KLHL2: variants seen among roughly 807,000 people sequenced by gnomAD.
KLHL2 encodes kelch like family member 2, also known as kelch-like protein 2.
Under a neutral mutation model 75.8 loss-of-function variants are expected in KLHL2, and 15 were observed. The ratio of observed to expected loss-of-function variants is 0.20; its 90% CI spans 0.13 to 0.30. The LOEUF (loss-of-function observed/expected upper bound fraction) is 0.30. Ranked by LOEUF, KLHL2 falls within the 10% of genes least tolerant of loss-of-function variation. The pLI, the probability that KLHL2 is intolerant of heterozygous loss-of-function variation, is 1.00. For synonymous variants in KLHL2, 214 were observed against 251.9 expected (o/e 0.85, Z 1.42); for missense variants, 381 against 741.0 (o/e 0.51, Z 5.64).
chr4:165,238,558 G>A (rs1314456649), intron 3 of KLHL2, among the ~76,000 whole-genome samples: 1 of 152,222 alleles, frequency 6.6e-6, no homozygotes, highest in Non-Finnish European at 1.5e-5. Context: ...GTTGTGATAT[G>A]ATTTTCAGGT....
rs547543351 is a variant in KLHL2, at chr4:165,214,076, G to A, written c.27-5858G>A. ...ATCCAGGGTCTCTTGGTTAGTATTTGGCATAGACAGAACTACAATTTTGGG... is the reference window on the plus strand; with the variant it reads ...ATCCAGGGTCTCTTGGTTAGTATTTAGCATAGACAGAACTACAATTTTGGG... On this transcript the variant is annotated intron_variant, in intron 1 of 14. Transcript: ENST00000226725. Among the ~76,000 whole-genome samples the A allele has an allele frequency of 3.3e-5, 5 of 152,176 alleles. No individual in the cohort carries two copies. The East Asian group carries it at 9.7e-4, about 29-fold the overall frequency.
chr4:165,229,626 T>A lies in KLHL2; in HGVS notation c.259+713T>A, dbSNP rs187214540. On this transcript the variant is annotated intron_variant, in intron 3 of 14. Transcript: ENST00000226725. The stretch of plus-strand genomic sequence containing the variant: ...TATTAAGTATTTCTGGTGCTACTGT[T>A]TTACTAGATACTTCAAGGCATACAA... Among the ~76,000 whole-genome samples, 7 of 152,334 alleles carry A rather than the reference T, an allele frequency of 4.6e-5. 1 individual carries two copies. Among genetic ancestry groups the A allele is most frequent in the African/African-American group, 1.4e-4 (6 of 41,580 alleles).
intron 4 of KLHL2, among the ~76,000 whole-genome samples, chr4:165,254,467 C>T (rs1430790739): frequency 1.3e-5 from 2 of 152,072 alleles, no homozygotes; most frequent in Admixed American, 1.3e-4. Context: ...GGTAGATTTT[C>T]AGAAACATAA....
Position 165,207,854 on chromosome 4 carries a change from T to C in KLHL2, c.-23T>C. 6.9e-7 allele frequency: 1 copy of C among 1,450,632 alleles called. No individual in the cohort carries two copies. Among genetic ancestry groups the C allele is most frequent in the Non-Finnish European group, 9.1e-7 (1 of 1,095,194 alleles). 89.9% of individuals were successfully genotyped at this position (1,450,632 alleles called of 1,614,324 possible). On this transcript the variant is annotated 5_prime_UTR_variant, in exon 1 of 15. Transcript: ENST00000226725. This position sits in a 1 kb window ranked among gnomAD's most constrained non-coding sequence, Gnocchi z 4.2. The stretch of plus-strand genomic sequence containing the variant: ...TGGCTGTGTTGGTCGGTGCCTGCGT[T>C]CTGAAGCCCGAGAGGAGCCACAATG...
chr4:165,210,162 G>C (rs1180718375), intron 1 of KLHL2: 1 of 1,551,704 alleles, frequency 6.4e-7, no homozygotes, highest in East Asian at 2.4e-5. Context: ...TTGGAAGCAC[G>C]GCCCCAGATT....
At position 165,229,705 on chromosome 4, in the gene KLHL2, G is replaced by A. The variant is rs543576867; in HGVS notation, c.259+792G>A. The stretch of plus-strand genomic sequence containing the variant: ...AAGCTTCCTGTGTAGCTAGGCAGAT[G>A]GATGTGCACCCTTTAATAGGTAATA... On this transcript the variant is annotated intron_variant, in intron 3 of 14. Coordinates refer to ENST00000226725, the MANE Select transcript of KLHL2 (RefSeq NM_007246.4). Among the ~76,000 whole-genome samples, 4 of 152,338 alleles carry A rather than the reference G, an allele frequency of 2.6e-5. No homozygotes were observed. In the East Asian group the frequency reaches 7.7e-4, roughly 29 times the overall value.
intron 3 of KLHL2, among the ~76,000 whole-genome samples, chr4:165,234,641 G>C (rs1579007211): frequency 7.4e-6 from 1 of 134,546 alleles, no homozygotes; most frequent in Admixed American, 7.6e-5. Context: ...TTTTGAGATG[G>C]AGTCTCGCTC....
At chr4:165,246,058 C>T (rs537297881) in intron 4 of KLHL2, among the ~76,000 whole-genome samples, 92 of 152,068 alleles carry the variant, frequency 6.0e-4, no homozygotes, top group African/African-American at 2.1e-3. Flanking sequence ...AGATAATATA[C>T]CCATAGATAG....
chr4:165,250,123 CAAA>C, intron 4 of KLHL2, among the ~76,000 whole-genome samples: 1 of 134,660 alleles, frequency 7.4e-6, no homozygotes, highest in Admixed American at 7.6e-5. Flanking sequence ...GACTCCGTCT[CAAA>C]AAAAAAAAAA....
intron 1 of KLHL2, chr4:165,209,780 CTATT>C: frequency 5.1e-6 from 1 of 196,216 alleles, no homozygotes; most frequent in Non-Finnish European, 1.0e-5. Flanking sequence ...TTGTTTCTGT[CTATT>C]TAATTATAAA....
chr4:165,257,729 C>T (rs1428953346), intron 4 of KLHL2, among the ~76,000 whole-genome samples: 1 of 152,032 alleles, frequency 6.6e-6, no homozygotes, highest in African/African-American at 2.4e-5. Flanking sequence ...ACATGGGAGT[C>T]ATAAAATTAT....
At chr4:165,235,543 C>T (rs1560993063) in intron 3 of KLHL2, among the ~76,000 whole-genome samples, 1 of 152,218 alleles carries the variant, frequency 6.6e-6, no homozygotes, top group Non-Finnish European at 1.5e-5. Context: ...ACTTTTTATT[C>T]ATCTAGTCAT....
intron 3 of KLHL2, among the ~76,000 whole-genome samples, chr4:165,232,005 C>A (rs1348150201): frequency 6.6e-6 from 1 of 152,100 alleles, no homozygotes; most frequent in East Asian, 1.9e-4. Context: ...TTTCTAATAA[C>A]CAATGATGTC....
intron 5 of KLHL2, among the ~76,000 whole-genome samples, chr4:165,276,336 G>A (rs113105320): frequency 2.6e-5 from 4 of 151,882 alleles, no homozygotes; most frequent in Non-Finnish European, 4.4e-5. Context: ...TTTTATATGC[G>A]CAAGTATTTT....
At chr4:165,211,545 T>C (rs1737204507) in intron 1 of KLHL2, among the ~76,000 whole-genome samples, 2 of 152,220 alleles carry the variant, frequency 1.3e-5, no homozygotes, top group Non-Finnish European at 2.9e-5. Context: ...TTGTCTGTTA[T>C]AGTGCATTGG....
At chr4:165,227,064 T>C (rs1357981858) in intron 2 of KLHL2, among the ~76,000 whole-genome samples, 1 of 152,174 alleles carries the variant, frequency 6.6e-6, no homozygotes, top group East Asian at 1.9e-4. Context: ...ATAGAATTCA[T>C]AGAATTGCAG....
chr4:165,275,879 G>C (rs1374634373), intron 5 of KLHL2, among the ~76,000 whole-genome samples: 2 of 152,128 alleles, frequency 1.3e-5, no homozygotes, highest in Non-Finnish European at 2.9e-5. Context: ...CCAGCACTTT[G>C]GGAGGCTGAG....
At position 165,317,875 on chromosome 4, in the gene KLHL2, T is replaced by C. The variant is rs370480563; in HGVS notation, c.1659T>C (p.Gly553=). Reference sequence around the variant, plus strand: ...TATATGTTGTTGGAGGGGATGATGGTTCCTGTAACTTGGCGTCAGTAGAAT... The same window carrying C: ...TATATGTTGTTGGAGGGGATGATGGCTCCTGTAACTTGGCGTCAGTAGAAT... ...GLLYVVGGDD[G]SCNLASVEYY... Residue 553 remains glycine, a synonymous_variant, in exon 14 of 15, where the codon GGT becomes GGC. Coordinates refer to ENST00000226725, the MANE Select transcript of KLHL2 (RefSeq NM_007246.4). 6.2e-7 allele frequency: 1 copy of C among 1,613,804 alleles called. No homozygotes were observed. The highest frequency in any genetic ancestry group is 8.5e-7 in the Non-Finnish European group (1 of 1,179,704).
intron 5 of KLHL2, among the ~76,000 whole-genome samples, chr4:165,291,235 T>C (rs1181252756): frequency 1.3e-5 from 2 of 152,192 alleles, no homozygotes; most frequent in Non-Finnish European, 2.9e-5. Flanking sequence ...TAACAGTCCT[T>C]TATGAGATAT....
Sources: gnomAD v4.1 joint callset for allele counts (sites outside exome capture counted in the v4.1 genomes callset) on GRCh38, gnomAD v4.1.1 for gene constraint, Gnocchi (gnomAD v3.1) non-coding constraint, MANE v1.5 for transcripts, NCBI Gene and HGNC (gene_info 2026-07-23, HGNC 2026-07-21) for gene names.